NEK10: variants seen among roughly 807,000 people sequenced by gnomAD.
NEK10 encodes the protein serine/threonine-protein kinase Nek10.
NEK10 carries 122 observed loss-of-function variants against 159.8 expected under a neutral mutation model. The ratio of observed to expected loss-of-function variants is 0.76; its 90% CI spans 0.66 to 0.89. The LOEUF is 0.89. Ranked by LOEUF, NEK10 falls within the 40% of genes least tolerant of loss-of-function variation. The probability of loss-of-function intolerance (pLI) is 0.00; values close to 1 mark genes in which losing one functional copy is unlikely to be tolerated. For synonymous variants in NEK10, 466 were observed against 457.1 expected, an observed-to-expected ratio of 1.02 and a Z score of -0.25; for missense variants, 1,342 against 1,323.1, an observed-to-expected ratio of 1.01 and a Z score of -0.22.
chr3:27,149,892 T>C (rs6798080), intron 30 of NEK10, among the ~76,000 whole-genome samples: 174 of 152,324 alleles, frequency 1.1e-3, no homozygotes, highest in African/African-American at 3.9e-3. Flanking sequence ...AAGCTGTGAA[T>C]GCAGAGAAAA....
At chr3:27,240,654 C>CTTTTT (rs5847451) in intron 23 of NEK10, among the ~76,000 whole-genome samples, 1 of 141,474 alleles carries the variant, frequency 7.1e-6, no homozygotes, top group African/African-American at 2.6e-5. Context: ...ACTATCTCAT[C>CTTTTT]TTTTTTTTTT....
chr3:27,256,373 T>C lies in NEK10; in HGVS notation c.2015-2A>G. The stretch of plus-strand genomic sequence containing the variant: ...TTTGCTTTGCCAGGCCAAAGTCAGC[T>C]ACAATTCACAAAACAACGCAATATG... On this transcript the variant is annotated splice_acceptor_variant, in intron 22 of 35. Transcript: ENST00000691995. LOFTEE classifies it high-confidence loss of function. The C allele has an allele frequency of 6.4e-7, 1 of 1,564,910 alleles. No homozygotes were observed. Among genetic ancestry groups the C allele is most frequent in the Non-Finnish European group, 8.6e-7 (1 of 1,158,256 alleles).
intron 5 of NEK10, among the ~76,000 whole-genome samples, chr3:27,323,659 A>C (rs765415576): frequency 6.6e-6 from 1 of 152,212 alleles, no homozygotes; most frequent in African/African-American, 2.4e-5. Context: ...TATCCAAAAT[A>C]CCATCATCAG....
At chr3:27,186,571 G>A (rs1344684205) in intron 26 of NEK10, among the ~76,000 whole-genome samples, 7 of 152,142 alleles carry the variant, frequency 4.6e-5, no homozygotes, top group African/African-American at 1.7e-4. Flanking sequence ...AGAGTTTGAG[G>A]GGGAAACTGG....
chr3:27,257,428 G>A (rs560533809), intron 22 of NEK10, among the ~76,000 whole-genome samples: 1 of 152,246 alleles, frequency 6.6e-6, no homozygotes, highest in African/African-American at 2.4e-5. Context: ...AAATGCTCAT[G>A]GAATTTCACT....
At chr3:27,221,877 AG>A (rs1301438943) in intron 23 of NEK10, among the ~76,000 whole-genome samples, 1 of 152,188 alleles carries the variant, frequency 6.6e-6, no homozygotes, top group Non-Finnish European at 1.5e-5. Context: ...AGACCTCCTT[AG>A]GGAGGGCTTG....
intron 22 of NEK10, among the ~76,000 whole-genome samples, chr3:27,279,169 A>C (rs2041974318): frequency 2.6e-5 from 4 of 152,222 alleles, no homozygotes; most frequent in Admixed American, 2.6e-4. Context: ...CAATCTTAAA[A>C]CATTTAATTC....
intron 8 of NEK10, chr3:27,311,707 G>A (rs1041583340): frequency 2.7e-5 from 6 of 220,692 alleles, no homozygotes; most frequent in African/African-American, 1.4e-4. Flanking sequence ...AAGGTTTGTT[G>A]TTATTTTTCT....
intron 27 of NEK10, 33 bp downstream of exon 27, chr3:27,174,617 G>C: frequency 6.2e-7 from 1 of 1,600,086 alleles, no homozygotes; most frequent in Non-Finnish European, 8.5e-7. Context: ...GCCACTAGCA[G>C]TACCTACGTT....
At chr3:27,216,168 A>G (rs1951507595) in intron 23 of NEK10, among the ~76,000 whole-genome samples, 1 of 152,192 alleles carries the variant, frequency 6.6e-6, no homozygotes, top group Non-Finnish European at 1.5e-5. Context: ...AGCTTTGTGA[A>G]TGGGGTCATT....
At chr3:27,221,408 A>G (rs1344876496) in intron 23 of NEK10, among the ~76,000 whole-genome samples, 1 of 152,252 alleles carries the variant, frequency 6.6e-6, no homozygotes. Flanking sequence ...GTGAGATACC[A>G]TGTCATACCC....
At chr3:27,193,599 GAT>G (rs1491260996) in intron 25 of NEK10, among the ~76,000 whole-genome samples, 1 of 66,036 alleles carries the variant, frequency 1.5e-5, no homozygotes, top group African/African-American at 6.0e-5. Flanking sequence ...CCATATGCTT[GAT>G]TTTTTTTTTT....
chr3:27,279,948 T>C (rs1416433287), intron 22 of NEK10, among the ~76,000 whole-genome samples: 3 of 152,002 alleles, frequency 2.0e-5, no homozygotes, highest in Non-Finnish European at 4.4e-5. Context: ...GGCGGGCGGA[T>C]CATGAGGTCA....
In NEK10 at chr3:27,107,282, C is replaced by T. The variant is rs1939092241; in HGVS notation, c.*3990G>A. ...AACTCATAAAATCTTTCCTGTCCCT[C>T]TTGCAAATCTCAAAACAACATCACA... On this transcript the variant is annotated 3_prime_UTR_variant, in exon 36 of 36. Coordinates refer to ENST00000691995, the MANE Select transcript of NEK10 (RefSeq NM_001394966.1). 2.0e-5 allele frequency among the ~76,000 whole-genome samples: 3 copies of T among 152,238 alleles called. No homozygotes were observed. In the South Asian group the frequency reaches 6.2e-4, roughly 32 times the overall value.
intron 5 of NEK10, among the ~76,000 whole-genome samples, chr3:27,322,566 G>A (rs1017809648): frequency 2.0e-5 from 3 of 152,114 alleles, no homozygotes; most frequent in African/African-American, 7.2e-5. Context: ...CCAAAATTTA[G>A]GTAGGTCTAA....
At chr3:27,264,943 T>C (rs2040763604) in intron 22 of NEK10, among the ~76,000 whole-genome samples, 1 of 150,374 alleles carries the variant, frequency 6.7e-6, no homozygotes, top group Non-Finnish European at 1.5e-5. Context: ...TAAATAATAA[T>C]TTTAAAAAAT....
rs982256260 is a variant in NEK10 at position 27,202,506 on chromosome 3, T to C, written c.2142A>G (p.Ala714=). The part of the protein sequence containing the change: ...EPYGEKADVW[A]VGCILYQMAT... ...CCATCTGATAAAGGATGCAGCCTAC[T>C]GCCCAGACATCAGCCTTCTCCCCAT... The change falls in exon 24 of 36, where the codon GCA becomes GCG. Residue 714 remains alanine, a synonymous_variant. Transcript: ENST00000691995. 6.2e-7 allele frequency: 1 copy of C among 1,613,060 alleles called. No individual in the cohort carries two copies. Among genetic ancestry groups the C allele is most frequent in the African/African-American group, 1.3e-5 (1 of 74,908 alleles).
chr3:27,161,385 C>T (rs1945996896), intron 30 of NEK10, among the ~76,000 whole-genome samples: 1 of 152,130 alleles, frequency 6.6e-6, no homozygotes, highest in South Asian at 2.1e-4. Flanking sequence ...TCATCCAAAG[C>T]AAATTTAATA....
chr3:27,274,602 G>T (rs1041442129), intron 22 of NEK10, among the ~76,000 whole-genome samples: 3 of 152,154 alleles, frequency 2.0e-5, no homozygotes, highest in Admixed American at 1.3e-4. Flanking sequence ...AGGATGGGAA[G>T]TCAGGGGTGC....
Sources: gnomAD v4.1 joint callset for allele counts (sites outside exome capture counted in the v4.1 genomes callset) on GRCh38, gnomAD v4.1.1 for gene constraint, MANE v1.5 for transcripts, NCBI Gene and HGNC (gene_info 2026-07-23, HGNC 2026-07-21) for gene names.